The following PRSS23 variants were observed in gnomAD, a reference collection of about 807,000 sequenced individuals.
PRSS23 encodes serine protease 23, also known as protease, serine 23.
PRSS23 carries 25 observed loss-of-function variants against 34.7 expected under a neutral mutation model. The observed-to-expected ratio is 0.72, with a 90% CI of 0.53 to 1.01. PRSS23 has a LOEUF of 1.01. Among genes scored for constraint, PRSS23 ranks in the 50% least tolerant of loss-of-function variants. The probability of loss-of-function intolerance (pLI) is 0.00; values close to 1 mark genes in which losing one functional copy is unlikely to be tolerated. For synonymous variants in PRSS23, 176 were observed against 186.6 expected (o/e 0.94, Z 0.46); for missense variants, 445 against 475.6 (o/e 0.94, Z 0.60).
chr11:86,945,346 C>T (rs1339055026), intron 2 of PRSS23, among the ~76,000 whole-genome samples: 2 of 144,020 alleles, frequency 1.4e-5, no homozygotes, highest in African/African-American at 5.3e-5. Flanking sequence ...CAAAGACAGC[C>T]ATATGCACTG....
chr11:86,844,344 T>C (rs1454540459), intron 2 of PRSS23, among the ~76,000 whole-genome samples: 1 of 152,098 alleles, frequency 6.6e-6, no homozygotes, highest in Non-Finnish European at 1.5e-5. Flanking sequence ...CAAACCAACA[T>C]GGCACATGTA....
intron 2 of PRSS23, among the ~76,000 whole-genome samples, chr11:86,914,354 T>G (rs1948999183): frequency 6.6e-6 from 1 of 152,188 alleles, no homozygotes; most frequent in East Asian, 1.9e-4. Context: ...AATTGGAAAG[T>G]CACTGGTGAC....
exon 3 of PRSS23, chr11:86,952,320 T>G: frequency 6.2e-7 from 1 of 1,614,244 alleles, no homozygotes. Context: ...GGGAATTTGC[T>G]GCAGTTCAGA....
intron 2 of PRSS23, among the ~76,000 whole-genome samples, chr11:86,870,481 A>G (rs1013294845): frequency 1.3e-5 from 2 of 152,168 alleles, no homozygotes; most frequent in Admixed American, 1.3e-4. Context: ...TAGAACAGGC[A>G]TGGAGGGGAG....
At chr11:86,793,021 A>C (rs1036881726) in intron 1 of PRSS23, among the ~76,000 whole-genome samples, 5 of 152,108 alleles carry the variant, frequency 3.3e-5, no homozygotes, top group Non-Finnish European at 7.4e-5. Flanking sequence ...AGGCTCAGCT[A>C]ATTTTTGTAT....
chr11:86,798,676 A>G (rs572187640), upstream of PRSS23, among the ~76,000 whole-genome samples: 1 of 152,336 alleles, frequency 6.6e-6, no homozygotes, highest in South Asian at 2.1e-4. Context: ...AAGCTGTAAC[A>G]TAAGTTTATA....
At chr11:86,867,287 C>CA (rs1270398709) in intron 2 of PRSS23, among the ~76,000 whole-genome samples, 1 of 152,216 alleles carries the variant, frequency 6.6e-6, no homozygotes, top group East Asian at 1.9e-4. Context: ...AGCTGGCTCT[C>CA]AAAACTATTC....
chr11:86,951,297 C>G (rs752990226), exon 3 of PRSS23: 1 of 1,614,120 alleles, frequency 6.2e-7, no homozygotes, highest in Non-Finnish European at 8.5e-7. Flanking sequence ...GTGATGCCCA[C>G]CAACAAAGAC....
At chr11:86,927,961 T>G (rs1292130298) in intron 2 of PRSS23, among the ~76,000 whole-genome samples, 1 of 151,860 alleles carries the variant, frequency 6.6e-6, no homozygotes, top group East Asian at 1.9e-4. Context: ...AAAAGTATAC[T>G]GTACTTGGTC....
chr11:86,812,784 T>C (rs1948188306), downstream of PRSS23, among the ~76,000 whole-genome samples: 1 of 110,716 alleles, frequency 9.0e-6, no homozygotes, highest in South Asian at 2.9e-4. Context: ...TGAGACTCTG[T>C]CTCAAAAAAA....
At chr11:86,874,452 C>T (rs1948709087) in intron 2 of PRSS23, among the ~76,000 whole-genome samples, 1 of 152,218 alleles carries the variant, frequency 6.6e-6, no homozygotes, top group Admixed American at 6.5e-5. Flanking sequence ...TGTGGGAGCA[C>T]TTGTATTCAG....
chr11:86,870,117 G>A (rs185475486), intron 2 of PRSS23, among the ~76,000 whole-genome samples: 3 of 152,036 alleles, frequency 2.0e-5, no homozygotes, highest in East Asian at 1.9e-4. Context: ...TCCCCAAATC[G>A]TTTTCACAGA....
intron 2 of PRSS23, among the ~76,000 whole-genome samples, chr11:86,906,606 C>A (rs12802454): frequency 0.58 from 88,743 of 152,002 alleles, 26,741 homozygotes; most frequent in Non-Finnish European, 0.67. Context: ...CTACCAGTTT[C>A]CTCCATACCC....
intron 1 of PRSS23, among the ~76,000 whole-genome samples, chr11:86,803,014 T>C (rs1206368504): frequency 6.6e-6 from 1 of 152,246 alleles, no homozygotes; most frequent in East Asian, 1.9e-4. Context: ...AGGAATAGTT[T>C]CTGTATTACT....
At chr11:86,914,337 G>C (rs1232475063) in intron 2 of PRSS23, among the ~76,000 whole-genome samples, 1 of 152,162 alleles carries the variant, frequency 6.6e-6, no homozygotes, top group African/African-American at 2.4e-5. Flanking sequence ...ACTCCCATTG[G>C]ATTTGCAATT....
At chr11:86,935,961 G>C (rs887763072) in intron 2 of PRSS23, 1 of 152,168 alleles carries the variant, frequency 6.6e-6, no homozygotes, top group Non-Finnish European at 1.5e-5. Context: ...AAAGCACAAG[G>C]CCTGTCTAAG....
At chr11:86,803,372 T>G (rs978204624) in intron 1 of PRSS23, among the ~76,000 whole-genome samples, 4 of 152,210 alleles carry the variant, frequency 2.6e-5, no homozygotes, top group Non-Finnish European at 5.9e-5. Flanking sequence ...TTATGAATGT[T>G]TTCATTACAT....
At chr11:86,840,970 G>A (rs1050571882) in intron 2 of PRSS23, among the ~76,000 whole-genome samples, 1 of 152,060 alleles carries the variant, frequency 6.6e-6, no homozygotes, top group Non-Finnish European at 1.5e-5. Context: ...AGTGTGTAGA[G>A]GGAAATTTAT....
intron 2 of PRSS23, among the ~76,000 whole-genome samples, chr11:86,884,999 G>A (rs1302393708): frequency 6.6e-6 from 1 of 152,144 alleles, no homozygotes; most frequent in African/African-American, 2.4e-5. Flanking sequence ...CTTCAGTAAA[G>A]CAATTATTTT....
Sources: allele counts gnomAD v4.1 joint callset (sites outside exome capture counted in the v4.1 genomes callset), GRCh38; gene constraint gnomAD v4.1.1; transcripts MANE v1.5; gene names NCBI Gene and HGNC (gene_info 2026-07-23, HGNC 2026-07-21).